Variants in SLC41A3 observed in about 807,000 individuals in gnomAD.
SLC41A3 encodes the protein SLC41A1-like 2.
SLC41A3 carries 44 observed loss-of-function variants against 45.4 expected under a neutral mutation model. The observed-to-expected ratio is 0.97, with a 90% confidence interval of 0.76 to 1.25. The LOEUF is 1.25. Among genes scored for constraint, SLC41A3 ranks in the 50% most tolerant of loss-of-function variants. The pLI, the probability that SLC41A3 is intolerant of heterozygous loss-of-function variation, is 0.00. For synonymous variants in SLC41A3, 256 were observed against 252.4 expected (o/e 1.01, Z -0.13); for missense variants, 550 against 600.6 (o/e 0.92, Z 0.88).
chr3:126,048,585 C>T (rs1309842393), intron 3 of SLC41A3, among the ~76,000 whole-genome samples: 2 of 152,186 alleles, frequency 1.3e-5, no homozygotes, highest in Non-Finnish European at 2.9e-5. Flanking sequence ...AAGACTCTTA[C>T]TTTCTTTTCC....
At chr3:126,058,242 G>A (rs1292455049) in intron 2 of SLC41A3, 1 of 152,260 alleles carries the variant, frequency 6.6e-6, no homozygotes, top group African/African-American at 2.4e-5. Flanking sequence ...CTAAGCTTGG[G>A]TGTCCTTCGT....
At position 126,006,660 on chromosome 3, in the gene SLC41A3, G is replaced by A; in HGVS notation, c.*356C>T. 1 of 1,498,068 alleles carries A rather than the reference G, an allele frequency of 6.7e-7. No individual in the cohort carries two copies. Among genetic ancestry groups the A allele is most frequent in the Non-Finnish European group, 8.9e-7 (1 of 1,127,794 alleles). 92.8% of individuals were successfully genotyped at this position (1,498,068 alleles called of 1,614,324 possible). A position where few individuals can be genotyped will look rare whatever the true frequency, so the allele number is the denominator to read the frequency against. ...GCTCCACCCCAATCTGGGTTGCATG[G>A]GCATGGAAAAGAGCAAACACACCCT... On this transcript the variant is annotated 3_prime_UTR_variant, in exon 11 of 11. Coordinates refer to ENST00000360370, the MANE Select transcript of SLC41A3 (RefSeq NM_017836.4).
rs550335078 is a variant in SLC41A3, at chr3:126,018,688, A to G, written c.746-1813T>C. On this transcript the variant is annotated intron_variant, in intron 6 of 10. Transcript: ENST00000360370. Reference sequence around the variant, plus strand: ...CCTTTGTCTGGGCACTTCTTCAACAACTGTCACTGCATGCCCACTGCCCTC... The same window carrying G: ...CCTTTGTCTGGGCACTTCTTCAACAGCTGTCACTGCATGCCCACTGCCCTC... 2.6e-5 allele frequency among the ~76,000 whole-genome samples: 4 copies of G among 152,294 alleles called. 1 individual carries two copies. In the South Asian group the frequency reaches 8.3e-4, roughly 32 times the overall value.
chr3:126,052,215 C>T (rs1260328782), intron 2 of SLC41A3, among the ~76,000 whole-genome samples: 1 of 152,198 alleles, frequency 6.6e-6, no homozygotes, highest in Non-Finnish European at 1.5e-5. Flanking sequence ...CCACACCTCA[C>T]AGTCTCCTGG....
intron 1 of SLC41A3, 149 bp from the exon 2 acceptor site, chr3:126,068,395 T>G: frequency 1.8e-6 from 1 of 568,046 alleles, no homozygotes; most frequent in Non-Finnish European, 2.8e-6. Context: ...ACCAGCCTCC[T>G]GCACCCCAAT....
At position 126,028,986 on chromosome 3, in the gene SLC41A3, C is replaced by T. The variant is rs562440256; in HGVS notation, c.454-2507G>A. Among the ~76,000 whole-genome samples the T allele has an allele frequency of 3.9e-5, 6 of 152,350 alleles. No homozygotes were observed. In the South Asian group the frequency reaches 1.2e-3, roughly 32 times the overall value. ...GTATTTACCCAATACCTGTATCCCC[C>T]ACTGTATCTTGAAAGTAACTAACTT... On this transcript the variant is annotated intron_variant, in intron 4 of 10. Coordinates refer to ENST00000360370, the MANE Select transcript of SLC41A3 (RefSeq NM_017836.4).
At position 126,026,952 on chromosome 3, in the gene SLC41A3, C is replaced by G. The variant is rs1941405613; in HGVS notation, c.454-473G>C. Among the ~76,000 whole-genome samples, 3 of 152,350 alleles carry G rather than the reference C, an allele frequency of 2.0e-5. No individual in the cohort carries two copies. In the South Asian group the frequency reaches 6.2e-4, roughly 32 times the overall value. Reference sequence around the variant, plus strand: ...TTTGGCACCCTGCTCACACCCTCCCCTTCCAGGCTCTGTTCCCATCTCTGT... The same window carrying G: ...TTTGGCACCCTGCTCACACCCTCCCGTTCCAGGCTCTGTTCCCATCTCTGT... On this transcript the variant is annotated intron_variant, in intron 4 of 10. Transcript: ENST00000360370. The surrounding 1 kb of genome is among the most constrained non-coding windows in gnomAD (Gnocchi z 4.2).
At chr3:126,007,328 G>A in intron 10 of SLC41A3, 103 bp from the exon 11 acceptor site, 2 of 1,263,404 alleles carry the variant, frequency 1.6e-6, no homozygotes, top group Non-Finnish European at 2.2e-6. Context: ...AGGTGGACAG[G>A]TCAACCCCAG....
At chr3:126,060,717 G>A (rs564251568) in intron 2 of SLC41A3, among the ~76,000 whole-genome samples, 82 of 152,336 alleles carry the variant, frequency 5.4e-4, no homozygotes, top group African/African-American at 1.8e-3. Context: ...CAAAAGTGTG[G>A]TTTTAAAAAT....
intron 2 of SLC41A3, among the ~76,000 whole-genome samples, chr3:126,059,553 T>C (rs185484434): frequency 6.6e-6 from 1 of 152,252 alleles, no homozygotes; most frequent in Non-Finnish European, 1.5e-5. Context: ...AACTATAGCA[T>C]TCTGTTTTGC....
intron 1 of SLC41A3, among the ~76,000 whole-genome samples, chr3:126,079,499 G>A (rs1453473323): frequency 6.6e-6 from 1 of 152,122 alleles, no homozygotes; most frequent in African/African-American, 2.4e-5. Context: ...AAACCATGGA[G>A]AAACTGACAC....
Position 126,006,496 on chromosome 3 carries a change from T to TGA in SLC41A3, c.*518_*519dup. On this transcript the variant is annotated 3_prime_UTR_variant, in exon 11 of 11. Transcript: ENST00000360370. ...TGTTGAGTGCAGATGAAGGGTTGTA[T>TGA]GAGGCCCCATCCTGGGGAGGCTGTA... is the stretch of plus-strand genomic sequence containing the variant. 6.2e-7 allele frequency: 1 copy of TGA among 1,614,040 alleles called. No homozygotes were observed. The highest frequency in any genetic ancestry group is 2.2e-5 in the East Asian group (1 of 44,886).
intron 4 of SLC41A3, among the ~76,000 whole-genome samples, chr3:126,032,736 T>C (rs2107766690): frequency 6.6e-6 from 1 of 152,312 alleles, no homozygotes; most frequent in South Asian, 2.1e-4. Context: ...TTAGATGTAC[T>C]GGTTCTGGAA....
intron 2 of SLC41A3, among the ~76,000 whole-genome samples, chr3:126,059,159 C>T (rs903378944): frequency 2.0e-5 from 3 of 149,310 alleles, no homozygotes; most frequent in African/African-American, 7.5e-5. Flanking sequence ...CTAGTAATTG[C>T]CAGCCTCCGC....
chr3:126,099,014 G>A (rs560017328), intron 1 of SLC41A3, among the ~76,000 whole-genome samples: 4 of 138,576 alleles, frequency 2.9e-5, no homozygotes, highest in South Asian at 4.8e-4. Context: ...TGATCCACCC[G>A]CCTCAGCCTC....
rs766138078 is a variant in SLC41A3, at chr3:126,022,881, G to A, written c.650C>T (p.Pro217Leu). The A allele has an allele frequency of 6.2e-7, 1 of 1,614,090 alleles. No homozygotes were observed. Among genetic ancestry groups the A allele is most frequent in the African/African-American group, 1.3e-5 (1 of 74,912 alleles). The change falls in exon 6 of 11, where the codon CCA becomes CTA. Residue 217 changes from proline to leucine, a missense_variant. By Grantham distance (98) the Pro-to-Leu change is moderately conservative (BLOSUM62 -3). Transcript: ENST00000360370. ...VIGARKLGVNPDNIATPIAAS... is the reference protein window; with the variant it reads ...VIGARKLGVNLDNIATPIAAS... ...TGCAATGGGCGTGGCAATGTTGTCT[G>A]GGTTGACCCCGAGCTTTCGAGCACC...
At chr3:126,061,458 T>C (rs35047628) in intron 2 of SLC41A3, among the ~76,000 whole-genome samples, 50,745 of 152,020 alleles carry the variant, frequency 0.33, 8,674 homozygotes, top group African/African-American at 0.38. Flanking sequence ...CTCCCACCAC[T>C]TGCTGGAGCA....
At chr3:126,066,511 T>C (rs1487219269) in intron 2 of SLC41A3, among the ~76,000 whole-genome samples, 1 of 152,188 alleles carries the variant, frequency 6.6e-6, no homozygotes, top group Non-Finnish European at 1.5e-5. Flanking sequence ...AAATGCAATT[T>C]CCAGCTGGCA....
chr3:126,089,841 AAGG>A (rs1402647977), intron 1 of SLC41A3, among the ~76,000 whole-genome samples: 1 of 152,178 alleles, frequency 6.6e-6, no homozygotes, highest in African/African-American at 2.4e-5. Context: ...CTGGGAATAT[AAGG>A]AGGAGATACT....
Sources: gnomAD v4.1 joint callset for allele counts (sites outside exome capture counted in the v4.1 genomes callset) on GRCh38, gnomAD v4.1.1 for gene constraint, Gnocchi (gnomAD v3.1) non-coding constraint, MANE v1.5 for transcripts, NCBI Gene and HGNC (gene_info 2026-07-23, HGNC 2026-07-21) for gene names.